The following LIN7A variants were observed in gnomAD, a reference collection of about 807,000 sequenced individuals.
The protein encoded by LIN7A is lin-7 cell polarity scaffold A.
A neutral mutation model predicts 29.8 loss-of-function variants in LIN7A; 25 were observed. That is an observed-to-expected ratio of 0.84 (90% CI 0.61 to 1.17). The LOEUF is 1.17. Ranked by LOEUF, LIN7A falls within the 50% of genes most tolerant of loss-of-function variation. The pLI is 0.00. For missense variants in LIN7A, 239 were observed against 287.0 expected, an observed-to-expected ratio of 0.83 and a Z score of 1.21; for synonymous variants, 118 against 107.5, an observed-to-expected ratio of 1.10 and a Z score of -0.60.
chr12:80,823,262 G>A (rs1373231283), intron 4 of LIN7A, among the ~76,000 whole-genome samples: 1 of 152,188 alleles, frequency 6.6e-6, no homozygotes, highest in Non-Finnish European at 1.5e-5. Flanking sequence ...CGTTGTGGGT[G>A]ATGAGAAGGA....
chr12:80,843,633 T>A (rs1027338933), intron 4 of LIN7A, among the ~76,000 whole-genome samples: 3 of 152,176 alleles, frequency 2.0e-5, no homozygotes, highest in African/African-American at 7.2e-5. Context: ...GTCAAAGGTT[T>A]GTATGACCAA....
At chr12:80,898,647 C>A (rs1876036961) in intron 1 of LIN7A, among the ~76,000 whole-genome samples, 1 of 151,938 alleles carries the variant, frequency 6.6e-6, no homozygotes, top group Non-Finnish European at 1.5e-5. Flanking sequence ...TTTGTGTCAT[C>A]TCTGATTTCT....
At chr12:80,906,688 G>C (rs1876492178) in intron 1 of LIN7A, among the ~76,000 whole-genome samples, 1 of 152,018 alleles carries the variant, frequency 6.6e-6, no homozygotes, top group South Asian at 2.1e-4. Context: ...GGTGGGAGGA[G>C]GTGAGGATTG....
At chr12:80,845,688 A>G in intron 4 of LIN7A, 42 bp downstream of exon 4, 1 of 1,521,324 alleles carries the variant, frequency 6.6e-7, no homozygotes, top group Non-Finnish European at 8.9e-7. Context: ...AAAAAAAAGA[A>G]TGTGCTTAAG....
intron 2 of LIN7A, among the ~76,000 whole-genome samples, chr12:80,878,033 T>C (rs550147579): frequency 6.6e-6 from 1 of 152,318 alleles, no homozygotes; most frequent in Non-Finnish European, 1.5e-5. Context: ...GTACATGTAA[T>C]TATAAGCTTC....
chr12:80,854,480 C>A (rs1873493780), intron 2 of LIN7A, among the ~76,000 whole-genome samples: 1 of 45,810 alleles, frequency 2.2e-5, no homozygotes. Flanking sequence ...ATGCATGTTG[C>A]TAAGCCAAAA....
At chr12:80,907,779 T>C (rs1257906176) in intron 1 of LIN7A, among the ~76,000 whole-genome samples, 1 of 151,528 alleles carries the variant, frequency 6.6e-6, no homozygotes, top group Non-Finnish European at 1.5e-5. Flanking sequence ...GCTTAAAGAG[T>C]AGGAAGAAAT....
chr12:80,878,700 A>AGTGCTGATTGGTCCATTTTACAGT (rs1373416131), intron 2 of LIN7A, among the ~76,000 whole-genome samples: 1 of 152,032 alleles, frequency 6.6e-6, no homozygotes, highest in Admixed American at 6.6e-5. Context: ...CATTTTACAG[A>AGTGCTGATTGGTCCATTTTACAGT]GTGCTGATTG....
At chr12:80,862,833 T>C (rs1873942806) in intron 2 of LIN7A, among the ~76,000 whole-genome samples, 1 of 152,148 alleles carries the variant, frequency 6.6e-6, no homozygotes, top group Non-Finnish European at 1.5e-5. Flanking sequence ...GGAACTTGAG[T>C]GCATACATTA....
At chr12:80,874,592 A>T (rs1352140643) in intron 2 of LIN7A, among the ~76,000 whole-genome samples, 1 of 152,194 alleles carries the variant, frequency 6.6e-6, no homozygotes, top group African/African-American at 2.4e-5. Context: ...TTTAAAAATC[A>T]TTGTTGTTGG....
At chr12:80,833,508 C>A (rs981380098) in intron 4 of LIN7A, among the ~76,000 whole-genome samples, 2 of 152,198 alleles carry the variant, frequency 1.3e-5, no homozygotes, top group South Asian at 2.1e-4. Context: ...TGCCTTCACA[C>A]ACCCTATGCC....
intron 1 of LIN7A, among the ~76,000 whole-genome samples, chr12:80,898,998 T>G (rs1876055928): frequency 6.6e-6 from 1 of 152,104 alleles, no homozygotes; most frequent in Non-Finnish European, 1.5e-5. Flanking sequence ...TCCTCATTGC[T>G]CGGGCTAATC....
intron 1 of LIN7A, among the ~76,000 whole-genome samples, chr12:80,896,017 C>A (rs749890351): frequency 6.6e-6 from 1 of 152,190 alleles, no homozygotes; most frequent in African/African-American, 2.4e-5. Context: ...GAGCAGGTGA[C>A]TTTAAAGGTG....
At position 80,795,718 on chromosome 12, in the gene LIN7A, C is replaced by T. The variant is rs1870414417; in HGVS notation, c.*2009G>A. The T allele has an allele frequency of 6.6e-6, 1 of 152,052 alleles. No homozygotes were observed. The highest frequency in any genetic ancestry group is 6.6e-5 in the Admixed American group (1 of 15,258). The allele number at this position is 152,052 out of a possible 1,614,324, so 9.4% of individuals were successfully genotyped here. On this transcript the variant is annotated 3_prime_UTR_variant, in exon 6 of 6. Transcript: ENST00000552864. ...GAATCCTGTGGCATTGCCTGAATAG[C>T]TTTAATATATCTTTGTTAAATGATA...
intron 2 of LIN7A, among the ~76,000 whole-genome samples, chr12:80,875,288 T>C (rs1399029869): frequency 6.6e-6 from 1 of 152,174 alleles, no homozygotes; most frequent in Non-Finnish European, 1.5e-5. Context: ...TTTGCACATG[T>C]ACATTTTTTC....
At chr12:80,868,904 A>G (rs959334486) in intron 2 of LIN7A, among the ~76,000 whole-genome samples, 1 of 152,074 alleles carries the variant, frequency 6.6e-6, no homozygotes, top group African/African-American at 2.4e-5. Context: ...CCTCACAGAA[A>G]TCCTAGAGCA....
rs56000415 is a variant in LIN7A, at chr12:80,882,287, C to CTTTTTTTTTTTTTTTTTTTT, written c.201+6963_201+6964insAAAAAAAAAAAAAAAAAAAA. On this transcript the variant is annotated intron_variant, in intron 2 of 5. Coordinates refer to ENST00000552864, the MANE Select transcript of LIN7A (RefSeq NM_004664.4). ...ACAGTACTATCATTTTTCTTTCATT[C>CTTTTTTTTTTTTTTTTTTTT]TTTTTTTTTTTTTTTGAGACGGAGT... Among the ~76,000 whole-genome samples, 111 of 87,694 alleles carry CTTTTTTTTTTTTTTTTTTTT rather than the reference C, an allele frequency of 1.3e-3. 20 individuals are homozygous for CTTTTTTTTTTTTTTTTTTTT. The highest frequency in any genetic ancestry group is 2.2e-3 in the Non-Finnish European group (77 of 35,014). 57.5% of individuals were successfully genotyped at this position (87,694 alleles called of 152,430 possible).
chr12:80,909,858 C>CA (rs377017738), intron 1 of LIN7A, among the ~76,000 whole-genome samples: 98,555 of 145,486 alleles, frequency 0.68, 36,798 homozygotes, highest in Non-Finnish European at 0.86. Flanking sequence ...CAATTTTTAC[C>CA]AAAAAAAAAA....
intron 1 of LIN7A, among the ~76,000 whole-genome samples, chr12:80,909,553 T>C (rs1397549811): frequency 6.6e-6 from 1 of 152,102 alleles, no homozygotes; most frequent in African/African-American, 2.4e-5. Flanking sequence ...GAGGGTCCAC[T>C]TTCTCACAGA....
Sources: gnomAD v4.1 joint callset for allele counts (sites outside exome capture counted in the v4.1 genomes callset) on GRCh38, gnomAD v4.1.1 for gene constraint, MANE v1.5 for transcripts, NCBI Gene and HGNC (gene_info 2026-07-23, HGNC 2026-07-21) for gene names.